CIMIP6: variants seen among roughly 807,000 people sequenced by gnomAD.
CIMIP6 encodes the protein ciliary microtubule inner protein 6, also known as uncharacterized protein C2orf73.
chr2:54,352,268 T>C, the CIMIP6 span, among the ~76,000 whole-genome samples: 7 of 152,072 alleles, frequency 4.6e-5, no homozygotes, highest in South Asian at 1.5e-3. Flanking sequence ...AGAAAATTGG[T>C]TTTGAGTATT....
At chr2:54,364,750 G>C in the CIMIP6 span, among the ~76,000 whole-genome samples, 4 of 152,172 alleles carry the variant, frequency 2.6e-5, no homozygotes, top group African/African-American at 9.7e-5. Context: ...CAACTTTACT[G>C]CATTTTGGGA....
the CIMIP6 span, chr2:54,343,736 A>T: frequency 6.3e-7 from 1 of 1,597,216 alleles, no homozygotes; most frequent in African/African-American, 1.4e-5. Flanking sequence ...TGGTGGTCAC[A>T]TGGTAAAGCA....
the CIMIP6 span, chr2:54,381,856 G>A: frequency 8.4e-6 from 13 of 1,540,494 alleles, no homozygotes; most frequent in African/African-American, 1.4e-5. Flanking sequence ...ATGAAACCTT[G>A]AGAAAAGGAG....
the CIMIP6 span, among the ~76,000 whole-genome samples, chr2:54,372,793 T>C: frequency 0.13 from 19,415 of 152,222 alleles, 1,354 homozygotes; most frequent in African/African-American, 0.18. Context: ...AAGTCATACC[T>C]ACTGCATAAC....
the CIMIP6 span, among the ~76,000 whole-genome samples, chr2:54,342,836 A>G: frequency 6.6e-6 from 1 of 152,296 alleles, no homozygotes; most frequent in African/African-American, 2.4e-5. Flanking sequence ...TCCTAACTGT[A>G]TTCCAGGAAC....
the CIMIP6 span, among the ~76,000 whole-genome samples, chr2:54,351,321 A>G: frequency 2.6e-5 from 4 of 152,250 alleles, no homozygotes; most frequent in Non-Finnish European, 5.9e-5. Context: ...AGACACATGC[A>G]TGCATATGTT....
chr2:54,372,699 G>A, the CIMIP6 span, among the ~76,000 whole-genome samples: 1 of 152,172 alleles, frequency 6.6e-6, no homozygotes, highest in Admixed American at 6.5e-5. Flanking sequence ...CTTGGAAGTG[G>A]CCCTTGCAGC....
the CIMIP6 span, among the ~76,000 whole-genome samples, chr2:54,347,245 A>G: frequency 6.6e-6 from 1 of 152,226 alleles, no homozygotes; most frequent in African/African-American, 2.4e-5. Flanking sequence ...AGTTGGACTG[A>G]ATTTTTAAAA....
the CIMIP6 span, among the ~76,000 whole-genome samples, chr2:54,336,590 A>T: frequency 6.6e-6 from 1 of 152,156 alleles, no homozygotes; most frequent in Admixed American, 6.5e-5. Context: ...GAGATACAGC[A>T]GTGAATAAAG....
At chr2:54,352,840 T>G in the CIMIP6 span, among the ~76,000 whole-genome samples, 1 of 152,216 alleles carries the variant, frequency 6.6e-6, no homozygotes, top group Non-Finnish European at 1.5e-5. Flanking sequence ...TTTGTATTAT[T>G]TTTGTGGTTT....
the CIMIP6 span, among the ~76,000 whole-genome samples, chr2:54,356,510 C>T: frequency 6.6e-6 from 1 of 152,324 alleles, no homozygotes; most frequent in East Asian, 1.9e-4. Flanking sequence ...TACCAGTTCA[C>T]TAAAGCCTTT....
the CIMIP6 span, among the ~76,000 whole-genome samples, chr2:54,353,127 T>C: frequency 2.6e-5 from 4 of 152,254 alleles, no homozygotes; most frequent in Non-Finnish European, 5.9e-5. Context: ...ATGTAAACTC[T>C]GTTGTCTGAG....
chr2:54,368,769 T>C, the CIMIP6 span, among the ~76,000 whole-genome samples: 4 of 152,180 alleles, frequency 2.6e-5, no homozygotes, highest in African/African-American at 7.2e-5. Context: ...GTTTCCCTGA[T>C]TGGCATTACT....
the CIMIP6 span, among the ~76,000 whole-genome samples, chr2:54,355,255 T>G: frequency 6.6e-5 from 10 of 152,200 alleles, no homozygotes; most frequent in African/African-American, 2.4e-4. Flanking sequence ...CATTTATAAT[T>G]TTTCTTTGTC....
At chr2:54,366,810 A>C in the CIMIP6 span, among the ~76,000 whole-genome samples, 12 of 152,124 alleles carry the variant, frequency 7.9e-5, no homozygotes, top group Non-Finnish European at 1.6e-4. Flanking sequence ...TAAAATATGG[A>C]CATCGTCTGA....
At chr2:54,360,923 C>T in the CIMIP6 span, 2,719 of 165,334 alleles carry the variant, frequency 0.016, 88 homozygotes, top group African/African-American at 0.062. Context: ...CACTTCATTC[C>T]TTGAGCTGTG....
At chr2:54,360,102 C>T in the CIMIP6 span, 1 of 1,405,814 alleles carries the variant, frequency 7.1e-7, no homozygotes, top group Non-Finnish European at 9.4e-7. Context: ...GTGCCTGCAT[C>T]ACTGACTAGG....
chr2:54,358,400 A>C, the CIMIP6 span, among the ~76,000 whole-genome samples: 1 of 151,222 alleles, frequency 6.6e-6, no homozygotes, highest in African/African-American at 2.5e-5. Context: ...CATATCTAAC[A>C]ATTTTTTTTT....
At chr2:54,332,009 C>A in the CIMIP6 span, among the ~76,000 whole-genome samples, 10 of 152,214 alleles carry the variant, frequency 6.6e-5, no homozygotes, top group Admixed American at 1.3e-4. Flanking sequence ...GGAAATGGGC[C>A]CCATAAATTT....
Sources: allele counts gnomAD v4.1 joint callset (sites outside exome capture counted in the v4.1 genomes callset), GRCh38; gene constraint gnomAD v4.1.1; transcripts MANE v1.5; gene names NCBI Gene and HGNC (gene_info 2026-07-23, HGNC 2026-07-21).